DNAJC10: variants seen among roughly 807,000 people sequenced by gnomAD.
DNAJC10 encodes the protein DnaJ heat shock protein family (Hsp40) member C10.
Under a neutral mutation model 115.0 loss-of-function variants are expected in DNAJC10, and 101 were observed. That is an observed-to-expected ratio of 0.88 (90% confidence interval 0.75 to 1.04). DNAJC10 has a LOEUF of 1.04. Ranked by LOEUF, DNAJC10 falls within the 50% of genes least tolerant of loss-of-function variation. The pLI, the probability that DNAJC10 is intolerant of heterozygous loss-of-function variation, is 0.00. For synonymous variants in DNAJC10, 307 were observed against 301.5 expected (o/e 1.02, Z -0.19); for missense variants, 981 against 928.8 (o/e 1.06, Z -0.73).
At chr2:182,776,023 A>C (rs1234208314) in intron 23 of DNAJC10, among the ~76,000 whole-genome samples, 2 of 152,164 alleles carry the variant, frequency 1.3e-5, no homozygotes, top group African/African-American at 2.4e-5. Flanking sequence ...ATATGGAAAA[A>C]TGTTTTAAAA....
At chr2:182,744,239 C>T (rs927283989) in intron 14 of DNAJC10, among the ~76,000 whole-genome samples, 7 of 152,080 alleles carry the variant, frequency 4.6e-5, no homozygotes, top group Non-Finnish European at 7.4e-5. Flanking sequence ...TGAAAGAGGT[C>T]AAATATAGCA....
rs973133741 is a variant in DNAJC10, at chr2:182,786,703, C to G, written c.*9571C>G. On this transcript the variant is annotated 3_prime_UTR_variant, in exon 24 of 24. Transcript: ENST00000264065. ...TTCTTGCCAAAGCCAAGTTCTCTCC[C>G]TCCCTCTCAACAGATTTCTCAGCAC... 3 of 152,264 alleles carry G rather than the reference C, an allele frequency of 2.0e-5. No homozygotes were observed. In the East Asian group the frequency reaches 5.8e-4, roughly 29 times the overall value. 9.4% of individuals were successfully genotyped at this position (152,264 alleles called of 1,614,324 possible). A position where few individuals can be genotyped will look rare whatever the true frequency, so the allele number is the denominator to read the frequency against.
rs1367539669 is a variant in DNAJC10, at chr2:182,791,954, T to C, written c.*14822T>C. On this transcript the variant is annotated 3_prime_UTR_variant, in exon 24 of 24. Transcript: ENST00000264065. ...AAGATACACATTTTAAATTTAACTC[T>C]AAACAATGCAATAATCTAGAGAATC... is the stretch of plus-strand genomic sequence containing the variant. The C allele has an allele frequency of 6.6e-6, 1 of 150,940 alleles. No individual in the cohort carries two copies. The highest frequency in any genetic ancestry group is 2.5e-5 in the African/African-American group (1 of 40,362). 9.4% of individuals were successfully genotyped at this position (150,940 alleles called of 1,614,324 possible). A position where few individuals can be genotyped will look rare whatever the true frequency, so the allele number is the denominator to read the frequency against.
rs1361120646 is a variant in DNAJC10 at position 182,739,864 on chromosome 2, A to C, written c.988-435A>C. 5.1e-6 allele frequency: 5 copies of C among 988,096 alleles called. No homozygotes were observed. In the East Asian group the frequency reaches 5.6e-4, roughly 110 times the overall value. The allele number at this position is 988,096 out of a possible 1,614,324, so 61.2% of individuals were successfully genotyped here. ...GGGAATGAAGTGTCTTTGATAGTCTATTATTCTTCCTTCTAGTGTTATAAA... is the reference window on the plus strand; with the variant it reads ...GGGAATGAAGTGTCTTTGATAGTCTCTTATTCTTCCTTCTAGTGTTATAAA... On this transcript the variant is annotated intron_variant, in intron 11 of 23. Transcript: ENST00000264065.
chr2:182,720,956 A>G (rs79882625), intron 4 of DNAJC10, among the ~76,000 whole-genome samples: 122 of 152,200 alleles, frequency 8.0e-4, no homozygotes, highest in African/African-American at 2.7e-3. Flanking sequence ...TTGAAACATT[A>G]TCAATAAAGG....
intron 22 of DNAJC10, among the ~76,000 whole-genome samples, chr2:182,764,827 G>T (rs1004230988): frequency 1.3e-5 from 2 of 152,102 alleles, no homozygotes; most frequent in African/African-American, 2.4e-5. Flanking sequence ...ATGGCTTAAA[G>T]CTTGTTTCCC....
chr2:182,747,297 A>G (rs1449503666), intron 14 of DNAJC10, among the ~76,000 whole-genome samples: 1 of 152,158 alleles, frequency 6.6e-6, no homozygotes, highest in African/African-American at 2.4e-5. Flanking sequence ...TGGGGATGGC[A>G]TTGAATCTGT....
chr2:182,722,332 G>A (rs562919213), intron 5 of DNAJC10, among the ~76,000 whole-genome samples: 1 of 152,218 alleles, frequency 6.6e-6, no homozygotes, highest in African/African-American at 2.4e-5. Context: ...ATCAGGTTTG[G>A]ATGCCAAGTG....
Position 182,790,917 on chromosome 2 carries a change from C to CT in DNAJC10, c.*13787dup. On this transcript the variant is annotated 3_prime_UTR_variant, in exon 24 of 24. Transcript: ENST00000264065. ...TCTGACTTTTCCTTTGCTTTATTCT[C>CT]TTATTTCTTCCAAGTAACCATATTC... 6.6e-6 allele frequency: 1 copy of CT among 152,152 alleles called. No individual in the cohort carries two copies. Among genetic ancestry groups the CT allele is most frequent in the South Asian group, 2.1e-4 (1 of 4,816 alleles). 9.4% of individuals were successfully genotyped at this position (152,152 alleles called of 1,614,324 possible).
chr2:182,782,901 C>G lies in DNAJC10; in HGVS notation c.*5769C>G, dbSNP rs928079144. 6.6e-6 allele frequency: 1 copy of G among 152,122 alleles called. No homozygotes were observed. The highest frequency in any genetic ancestry group is 2.4e-5 in the African/African-American group (1 of 41,410). 9.4% of individuals were successfully genotyped at this position (152,122 alleles called of 1,614,324 possible). On this transcript the variant is annotated 3_prime_UTR_variant, in exon 24 of 24. Coordinates refer to ENST00000264065, the MANE Select transcript of DNAJC10 (RefSeq NM_018981.4). ...GACTTCCTCTCTTCCTGTTTGAATACGCTTTCTTTCTCTTGCCTGATTGTC... is the reference window on the plus strand; with the variant it reads ...GACTTCCTCTCTTCCTGTTTGAATAGGCTTTCTTTCTCTTGCCTGATTGTC...
In DNAJC10 at chr2:182,758,821, T is replaced by G. The variant is rs1171006566; in HGVS notation, c.1944-16T>G. On this transcript the variant is annotated splice_polypyrimidine_tract_variant and intron_variant, in intron 19 of 23. Coordinates refer to ENST00000264065, the MANE Select transcript of DNAJC10 (RefSeq NM_018981.4). ...TAGAGAATCCTATTTACAACTAACA[T>G]TTTTTCTTCTCTCAGCAGTTACAAT... The G allele has an allele frequency of 1.3e-6, 2 of 1,591,010 alleles. No individual in the cohort carries two copies. Among genetic ancestry groups the G allele is most frequent in the Non-Finnish European group, 1.7e-6 (2 of 1,159,546 alleles).
chr2:182,773,329 G>T (rs780380762), intron 22 of DNAJC10, among the ~76,000 whole-genome samples: 3 of 152,110 alleles, frequency 2.0e-5, no homozygotes, highest in African/African-American at 7.2e-5. Flanking sequence ...CTTGTCTTGA[G>T]GAGTATCTTT....
intron 22 of DNAJC10, among the ~76,000 whole-genome samples, chr2:182,773,165 T>C (rs1011658965): frequency 2.0e-5 from 3 of 152,226 alleles, no homozygotes; most frequent in Non-Finnish European, 2.9e-5. Context: ...TGGCCCCCAC[T>C]ATCTCCTGGC....
chr2:182,752,415 C>G (rs1694046581), intron 16 of DNAJC10: 1 of 343,476 alleles, frequency 2.9e-6, no homozygotes, highest in Non-Finnish European at 4.8e-6. Context: ...TCTTATTTAT[C>G]AAACTCAGGC....
At chr2:182,755,159 C>T (rs955002654) in intron 17 of DNAJC10, 55 bp downstream of exon 17, 1 of 1,036,678 alleles carries the variant, frequency 9.6e-7, no homozygotes, top group East Asian at 2.4e-5. Context: ...TATGTAAACC[C>T]TGTATGAATG....
intron 3 of DNAJC10, among the ~76,000 whole-genome samples, chr2:182,719,656 G>A (rs568393157): frequency 6.6e-6 from 1 of 152,060 alleles, no homozygotes; most frequent in South Asian, 2.1e-4. Flanking sequence ...ATTTATAATT[G>A]TTATAGGAGT....
At chr2:182,733,270 CTCTT>C (rs1693497593) in intron 10 of DNAJC10, among the ~76,000 whole-genome samples, 1 of 151,738 alleles carries the variant, frequency 6.6e-6, no homozygotes, top group Admixed American at 6.6e-5. Context: ...CTATTTATTT[CTCTT>C]TGTGCATTAT....
Position 182,751,725 on chromosome 2 carries a change from T to G in DNAJC10, c.1374T>G (p.Leu458=), listed in dbSNP as rs746641722. 1 of 1,614,104 alleles carries G rather than the reference T, an allele frequency of 6.2e-7. No homozygotes were observed. Among genetic ancestry groups the G allele is most frequent in the East Asian group, 2.2e-5 (1 of 44,872 alleles). Residue 458 remains leucine, a synonymous_variant, in exon 15 of 24, where the codon CTT becomes CTG. Transcript: ENST00000264065. ...KESVNSHVTT[L]GPQNFPANDK... ...GTGTGAATTCTCATGTTACCACGCT[T>G]GGACCTCAAAATTTTCCTGCCAATG...
At position 182,755,093 on chromosome 2, in the gene DNAJC10, G is replaced by A. The variant is rs757977297; in HGVS notation, c.1642G>A (p.Glu548Lys). Residue 548 changes from glutamate (E) to lysine (K), a missense_variant, in exon 17 of 24, where the codon GAG (glutamate) becomes AAG (lysine). By Grantham distance (56) the Glu-to-Lys change is moderately conservative. Transcript: ENST00000264065. ...ACATCACTCTGCTGAACAAATCTTGGAGTTCATAGAGGTATTTCAGATTAT... is the reference window on the plus strand; with the variant it reads ...ACATCACTCTGCTGAACAAATCTTGAAGTTCATAGAGGTATTTCAGATTAT... ...EGHHSAEQIL[E>K]FIEDLMNPSV... is the part of the protein sequence containing the mutation. 2 of 1,589,160 alleles carry A rather than the reference G, an allele frequency of 1.3e-6. No homozygotes were observed. The highest frequency in any genetic ancestry group is 1.7e-6 in the Non-Finnish European group (2 of 1,157,650).
Sources: gnomAD v4.1 joint callset for allele counts (sites outside exome capture counted in the v4.1 genomes callset) on GRCh38, gnomAD v4.1.1 for gene constraint, MANE v1.5 for transcripts, NCBI Gene and HGNC (gene_info 2026-07-23, HGNC 2026-07-21) for gene names.